HLF: variants seen among roughly 807,000 people sequenced by gnomAD.
HLF encodes the protein HLF transcription factor, PAR bZIP family member.
Under a neutral mutation model 22.6 loss-of-function variants are expected in HLF, and 3 were observed. The ratio of observed to expected loss-of-function variants is 0.13; its 90% CI spans 0.06 to 0.34. The LOEUF (loss-of-function observed/expected upper bound fraction) is 0.34, where lower values mean the gene tolerates loss of function less well. HLF is among the 10% of genes least tolerant of loss of function. The pLI, the probability that HLF is intolerant of heterozygous loss-of-function variation, is 1.00. For missense variants in HLF, 299 were observed against 389.2 expected (o/e 0.77, Z 1.95); for synonymous variants, 151 against 151.8 (o/e 0.99, Z 0.04).
intron 3 of HLF, chr17:55,319,173 G>T (rs1167005337): frequency 6.6e-6 from 1 of 151,924 alleles, no homozygotes; most frequent in African/African-American, 2.4e-5. Flanking sequence ...CAGATAGGAG[G>T]TATCTACACA....
rs1567808458 is a variant in HLF, at chr17:55,265,460, G to C, written c.-25G>C. 2.2e-6 allele frequency: 3 copies of C among 1,361,564 alleles called. No homozygotes were observed. Among genetic ancestry groups the C allele is most frequent in the Non-Finnish European group, 3.1e-6 (3 of 955,938 alleles). 84.3% of individuals were successfully genotyped at this position (1,361,564 alleles called of 1,614,324 possible). A position where few individuals can be genotyped will look rare whatever the true frequency, so the allele number is the denominator to read the frequency against. ...GTTTCTTTCTTATTTCTTTTTTTAA[G>C]GGGAAAAAATTTGAGTGCATCGCGA... On this transcript the variant is annotated 5_prime_UTR_variant, in exon 1 of 4. Transcript: ENST00000226067.
Position 55,315,291 on chromosome 17 carries a change from A to G in HLF, c.516A>G (p.Pro172=). 1.9e-6 allele frequency: 3 copies of G among 1,614,202 alleles called. No homozygotes were observed. The highest frequency in any genetic ancestry group is 2.5e-6 in the Non-Finnish European group (3 of 1,180,020). Residue 172 remains proline (P), a synonymous_variant, in exon 3 of 4, where the codon CCA becomes CCG. Coordinates refer to ENST00000226067, the MANE Select transcript of HLF (RefSeq NM_002126.5). The stretch of plus-strand genomic sequence containing the variant: ...TTGATCCTGACACCATCCAGGTCCC[A>G]GTGGGTTATGAGCCAGACCCAGCAG... ...SPIDPDTIQV[P]VGYEPDPADL... is the part of the protein sequence containing the mutation.
rs569080534 is a variant in HLF at position 55,325,089 on chromosome 17, T to C, written c.*4210T>C. 37 of 198,274 alleles carry C rather than the reference T, an allele frequency of 1.9e-4. No individual in the cohort carries two copies. Among genetic ancestry groups the C allele is most frequent in the African/African-American group, 8.1e-4 (35 of 43,478 alleles). The allele number at this position is 198,274 out of a possible 1,614,324, so 12.3% of individuals were successfully genotyped here. ...TCTTTCATGTATTTTTATTAACAGTTGGCTAGCAATGGTATTCTGTTCCCA... is the reference window on the plus strand; with the variant it reads ...TCTTTCATGTATTTTTATTAACAGTCGGCTAGCAATGGTATTCTGTTCCCA... On this transcript the variant is annotated 3_prime_UTR_variant, in exon 4 of 4. Coordinates refer to ENST00000226067, the MANE Select transcript of HLF (RefSeq NM_002126.5).
intron 2 of HLF, among the ~76,000 whole-genome samples, chr17:55,310,857 T>C (rs762978042): frequency 2.6e-5 from 4 of 152,164 alleles, no homozygotes; most frequent in Non-Finnish European, 4.4e-5. Flanking sequence ...GGAAATATAA[T>C]AGGGTAATAT....
chr17:55,286,902 A>C (rs2081008913), intron 2 of HLF, among the ~76,000 whole-genome samples: 1 of 152,220 alleles, frequency 6.6e-6, no homozygotes, highest in Admixed American at 6.5e-5. Flanking sequence ...GAGGATGCCC[A>C]AAATCTCAGG....
intron 2 of HLF, chr17:55,288,852 C>T (rs2081032660): frequency 2.4e-6 from 2 of 830,542 alleles, no homozygotes; most frequent in African/African-American, 1.8e-5. Context: ...TGGATATTGA[C>T]CCCCCAATTT....
intron 2 of HLF, among the ~76,000 whole-genome samples, chr17:55,306,623 A>G (rs1013415631): frequency 6.6e-6 from 1 of 151,500 alleles, no homozygotes; most frequent in Non-Finnish European, 1.5e-5. Flanking sequence ...TAAAATTAGT[A>G]CATCAACCGT....
At position 55,320,653 on chromosome 17, in the gene HLF, C is replaced by T. The variant is rs1320399059; in HGVS notation, c.673-11C>T. ...TCTTGTTTCTTTTTCCCTTCTGTAA[C>T]TAATGAGCAGGATGACAAGTACTGG... On this transcript the variant is annotated splice_polypyrimidine_tract_variant and intron_variant, in intron 3 of 3. Coordinates refer to ENST00000226067, the MANE Select transcript of HLF (RefSeq NM_002126.5). The surrounding 1 kb of genome is among the most constrained non-coding windows in gnomAD (Gnocchi z 4.2). 1.9e-6 allele frequency: 3 copies of T among 1,612,710 alleles called. No homozygotes were observed. The highest frequency in any genetic ancestry group is 2.5e-6 in the Non-Finnish European group (3 of 1,178,800).
chr17:55,269,468 C>T (rs2080832066), intron 2 of HLF, among the ~76,000 whole-genome samples: 1 of 152,158 alleles, frequency 6.6e-6, no homozygotes, highest in Non-Finnish European at 1.5e-5. Flanking sequence ...AGTGGGAAAA[C>T]AGCCAGGAGA....
At chr17:55,265,806 A>G in intron 1 of HLF, 8 of 1,320,476 alleles carry the variant, frequency 6.1e-6, no homozygotes, top group South Asian at 4.2e-5. Flanking sequence ...ACCCCTCCTG[A>G]GCTACATTTA....
chr17:55,306,814 C>T (rs1904590649), intron 2 of HLF, among the ~76,000 whole-genome samples: 1 of 151,172 alleles, frequency 6.6e-6, no homozygotes, highest in African/African-American at 2.4e-5. Flanking sequence ...TTTATTCTTT[C>T]TTTATTTCTT....
intron 2 of HLF, among the ~76,000 whole-genome samples, chr17:55,294,225 A>G (rs2081091733): frequency 6.6e-6 from 1 of 152,230 alleles, no homozygotes; most frequent in Non-Finnish European, 1.5e-5. Flanking sequence ...TTGTGCCCAC[A>G]CTATGCTGAT....
chr17:55,311,406 A>C (rs1904822217), intron 2 of HLF, among the ~76,000 whole-genome samples: 5 of 152,134 alleles, frequency 3.3e-5, no homozygotes, highest in African/African-American at 7.2e-5. Flanking sequence ...CGGGAGGCTG[A>C]GGCAGGAGAA....
In HLF at chr17:55,265,417, A is replaced by G. The variant is rs959152126; in HGVS notation, c.-68A>G. The G allele has an allele frequency of 5.4e-6, 5 of 932,630 alleles. No individual in the cohort carries two copies. The highest frequency in any genetic ancestry group is 8.4e-6 in the Non-Finnish European group (5 of 592,280). The allele number at this position is 932,630 out of a possible 1,614,324, so 57.8% of individuals were successfully genotyped here. ...CAAAGGACGGAGGAAAAGCTCAGCA[A>G]CATTTTAGGGGGCGGTTGTTTCTTT... On this transcript the variant is annotated 5_prime_UTR_variant, in exon 1 of 4. Transcript: ENST00000226067.
At chr17:55,303,341 G>A (rs924496503) in intron 2 of HLF, among the ~76,000 whole-genome samples, 3 of 152,144 alleles carry the variant, frequency 2.0e-5, no homozygotes, top group Non-Finnish European at 4.4e-5. Context: ...ACTTTGAGCT[G>A]GCCAGCAGTT....
At chr17:55,313,033 T>G (rs1365335400) in intron 2 of HLF, among the ~76,000 whole-genome samples, 1 of 152,142 alleles carries the variant, frequency 6.6e-6, no homozygotes, top group Non-Finnish European at 1.5e-5. Flanking sequence ...TCCTTTGCCA[T>G]TTGCTGTTTG....
chr17:55,290,208 A>G (rs2081047530), intron 2 of HLF, among the ~76,000 whole-genome samples: 1 of 152,216 alleles, frequency 6.6e-6, no homozygotes, highest in Non-Finnish European at 1.5e-5. Context: ...TCAGAAAACT[A>G]GAAATAGATC....
intron 2 of HLF, among the ~76,000 whole-genome samples, chr17:55,270,962 AC>A (rs1392335877): frequency 1.3e-5 from 2 of 152,118 alleles, no homozygotes; most frequent in African/African-American, 4.8e-5. Context: ...CTTGTGTCTT[AC>A]GCTTTATAGG....
At chr17:55,266,366 G>A (rs533268730) in intron 1 of HLF, 1 of 152,364 alleles carries the variant, frequency 6.6e-6, no homozygotes, top group Non-Finnish European at 1.5e-5. Context: ...GTAGAGGAGG[G>A]GTACGTGTGA....
Sources: allele counts gnomAD v4.1 joint callset (sites outside exome capture counted in the v4.1 genomes callset), GRCh38; gene constraint gnomAD v4.1.1; non-coding constraint Gnocchi (gnomAD v3.1); transcripts MANE v1.5; gene names NCBI Gene and HGNC (gene_info 2026-07-23, HGNC 2026-07-21).